Variants in SHISA6 observed in about 807,000 individuals in gnomAD.
SHISA6 encodes the protein shisa family member 6, also known as protein shisa-6.
A neutral mutation model predicts 47.9 loss-of-function variants in SHISA6; 22 were observed. The ratio of observed to expected loss-of-function variants is 0.46; its 90% CI spans 0.33 to 0.66. SHISA6 has a LOEUF of 0.66. Among genes scored for constraint, SHISA6 ranks in the 30% least tolerant of loss-of-function variants. The pLI is 0.02. For missense variants in SHISA6, 680 were observed against 764.6 expected, an observed-to-expected ratio of 0.89 and a Z score of 1.30; for synonymous variants, 388 against 337.8, an observed-to-expected ratio of 1.15 and a Z score of -1.63.
intron 2 of SHISA6, among the ~76,000 whole-genome samples, chr17:11,277,682 G>A (rs990343388): frequency 6.6e-6 from 1 of 152,108 alleles, no homozygotes; most frequent in Non-Finnish European, 1.5e-5. Context: ...TGTGAAAGAA[G>A]TCAGTTCAGG....
rs1909522746 is a variant in SHISA6, at chr17:11,291,093, C to T, written c.799+27567C>T. On this transcript the variant is annotated intron_variant, in intron 2 of 5. Coordinates refer to ENST00000441885, the MANE Select transcript of SHISA6 (RefSeq NM_207386.4). ...CCAGTAGCTATGTATTCAGAAACTT[C>T]CAGGTGACATGCACAGTAGTGGGCG... is the stretch of plus-strand genomic sequence containing the variant. Among the ~76,000 whole-genome samples the T allele has an allele frequency of 2.6e-5, 4 of 151,916 alleles. No individual in the cohort carries two copies. In the South Asian group the frequency reaches 8.3e-4, roughly 32 times the overall value.
chr17:11,362,650 GA>G (rs1912326521), intron 2 of SHISA6, among the ~76,000 whole-genome samples: 1 of 152,318 alleles, frequency 6.6e-6, no homozygotes, highest in Admixed American at 6.5e-5. Context: ...CTAAAACGAG[GA>G]AGATTTAATT....
chr17:11,558,086 G>A lies in SHISA6; in HGVS notation c.1438G>A (p.Val480Ile), dbSNP rs1305585738. ...GTCCAGGGCCATCTCGCACACGGAC[G>A]TCTTTGTGTCCACACCCGTGCTGGA... is the stretch of plus-strand genomic sequence containing the variant. Reference protein sequence around the residue: ...SLSRAISHTDVFVSTPVLDRY... With the variant: ...SLSRAISHTDIFVSTPVLDRY... Residue 480 changes from valine to isoleucine, a missense_variant, in exon 6 of 6, where the codon GTC (valine) becomes ATC (isoleucine). By Grantham distance (29) the Val-to-Ile change is conservative (BLOSUM62 3). This residue lies in a region of SHISA6 where 559 missense variants were observed against 674.1 expected (regional missense o/e 0.83). Coordinates refer to ENST00000441885, the MANE Select transcript of SHISA6 (RefSeq NM_207386.4). 30 of 1,551,488 alleles carry A rather than the reference G, an allele frequency of 1.9e-5. No homozygotes were observed. The highest frequency in any genetic ancestry group is 7.8e-5 in the Admixed American group (4 of 50,994).
intron 3 of SHISA6, among the ~76,000 whole-genome samples, chr17:11,496,832 C>T (rs535805979): frequency 3.3e-5 from 5 of 151,970 alleles, no homozygotes; most frequent in Admixed American, 1.3e-4. Context: ...CTGGAAAGCA[C>T]GGCCCCAGCT....
chr17:11,379,915 G>C (rs939680879), intron 3 of SHISA6: 1 of 198,614 alleles, frequency 5.0e-6, no homozygotes, highest in South Asian at 8.4e-5. Context: ...CTGTACTGTG[G>C]TATCTAAGCC....
intron 3 of SHISA6, among the ~76,000 whole-genome samples, chr17:11,468,049 T>C (rs1000208981): frequency 1.2e-4 from 18 of 152,180 alleles, no homozygotes; most frequent in Non-Finnish European, 2.4e-4. Flanking sequence ...ATTTAATTTA[T>C]ATTTTTAATT....
At chr17:11,430,454 T>C (rs1914736954) in intron 3 of SHISA6, among the ~76,000 whole-genome samples, 1 of 152,208 alleles carries the variant, frequency 6.6e-6, no homozygotes, top group African/African-American at 2.4e-5. Flanking sequence ...TTCTGCTAAA[T>C]CCACAATGAA....
intron 2 of SHISA6, among the ~76,000 whole-genome samples, chr17:11,372,533 C>A (rs148338619): frequency 6.6e-6 from 1 of 151,594 alleles, no homozygotes; most frequent in African/African-American, 2.4e-5. Flanking sequence ...ATTTTCTTTC[C>A]GTGTGTAGTG....
chr17:11,387,463 G>A (rs1913235355), intron 3 of SHISA6, among the ~76,000 whole-genome samples: 1 of 152,114 alleles, frequency 6.6e-6, no homozygotes. Context: ...AGGAGCTGTG[G>A]GGCTGGAGGG....
intron 1 of SHISA6, among the ~76,000 whole-genome samples, chr17:11,245,589 C>T (rs115626873): frequency 0.012 from 1,831 of 152,180 alleles, 34 homozygotes; most frequent in African/African-American, 0.04. Flanking sequence ...AGATGAGAAT[C>T]ATTCTGAGGG....
intron 3 of SHISA6, among the ~76,000 whole-genome samples, chr17:11,387,419 C>G (rs1320614341): frequency 1.3e-5 from 2 of 152,144 alleles, no homozygotes; most frequent in Admixed American, 1.3e-4. Flanking sequence ...CAGAGGTGCC[C>G]CCTTGACTGT....
intron 2 of SHISA6, among the ~76,000 whole-genome samples, chr17:11,264,956 T>G (rs1239971349): frequency 1.3e-5 from 2 of 152,200 alleles, no homozygotes; most frequent in Non-Finnish European, 2.9e-5. Flanking sequence ...CATCCAAAGT[T>G]AAAAACCTCT....
intron 4 of SHISA6, among the ~76,000 whole-genome samples, chr17:11,553,146 A>G (rs1003607610): frequency 1.3e-5 from 2 of 152,190 alleles, no homozygotes; most frequent in African/African-American, 4.8e-5. Context: ...GTTTGCAAGA[A>G]AAAAATATTC....
Position 11,558,039 on chromosome 17 carries a change from C to T in SHISA6, c.1391C>T (p.Thr464Met), listed in dbSNP as rs1210357309. The part of the protein sequence containing the change: ...SQDPLLSPER[T>M]AFPEQSLSRA... ...GACCCGCTGCTGTCCCCGGAGCGGA[C>T]GGCCTTTCCCGAGCAGTCGCTGTCC... Residue 464 changes from threonine (T) to methionine (M), a missense_variant, in exon 6 of 6, where the codon ACG (threonine) becomes ATG (methionine). Transcript: ENST00000441885. 9.0e-6 allele frequency: 14 copies of T among 1,551,514 alleles called. No homozygotes were observed. Among genetic ancestry groups the T allele is most frequent in the East Asian group, 4.9e-5 (2 of 40,930 alleles).
chr17:11,298,165 A>G (rs537757056), intron 2 of SHISA6, among the ~76,000 whole-genome samples: 1 of 152,226 alleles, frequency 6.6e-6, no homozygotes, highest in Non-Finnish European at 1.5e-5. Context: ...CTTGATAAAG[A>G]TCCCACAGCT....
At chr17:11,497,404 G>A (rs529588462) in intron 3 of SHISA6, among the ~76,000 whole-genome samples, 1 of 152,222 alleles carries the variant, frequency 6.6e-6, no homozygotes, top group Non-Finnish European at 1.5e-5. Context: ...GGATCCAGTT[G>A]AAAACGGGAG....
intron 3 of SHISA6, among the ~76,000 whole-genome samples, chr17:11,480,548 CCT>C: frequency 6.6e-6 from 1 of 152,106 alleles, no homozygotes; most frequent in East Asian, 1.9e-4. Flanking sequence ...TAGGTTCTCC[CCT>C]GACTCTATGG....
At chr17:11,434,033 C>T (rs16944727) in intron 3 of SHISA6, among the ~76,000 whole-genome samples, 11,824 of 151,388 alleles carry the variant, frequency 0.078, 524 homozygotes, top group Admixed American at 0.12. Flanking sequence ...CAGGACACTC[C>T]TTGTTTGGAA....
chr17:11,532,306 G>A (rs988783330), intron 3 of SHISA6, among the ~76,000 whole-genome samples: 2 of 152,212 alleles, frequency 1.3e-5, no homozygotes, highest in African/African-American at 4.8e-5. Flanking sequence ...AAGACATGGA[G>A]AAGGAGTGTC....
Sources: allele counts gnomAD v4.1 joint callset (sites outside exome capture counted in the v4.1 genomes callset), GRCh38; gene constraint gnomAD v4.1.1; regional missense constraint gnomAD v4.1.1; transcripts MANE v1.5; gene names NCBI Gene and HGNC (gene_info 2026-07-23, HGNC 2026-07-21).